The following TRAPPC11 variants were observed in gnomAD, a reference collection of about 807,000 sequenced individuals.
TRAPPC11 encodes the protein trafficking protein particle complex subunit 11, also known as foie gras homolog.
A neutral mutation model predicts 151.2 loss-of-function variants in TRAPPC11; 104 were observed. The ratio of observed to expected loss-of-function variants is 0.69; its 90% CI spans 0.59 to 0.81. TRAPPC11 has a LOEUF of 0.81. TRAPPC11 is among the 30% of genes least tolerant of loss of function. The pLI is 0.00. For synonymous variants in TRAPPC11, 456 were observed against 472.3 expected, an observed-to-expected ratio of 0.97 and a Z score of 0.45; for missense variants, 1,230 against 1,349.6, an observed-to-expected ratio of 0.91 and a Z score of 1.39.
Position 183,664,002 on chromosome 4 carries a change from A to G in TRAPPC11, c.135A>G (p.Arg45=), listed in dbSNP as rs755033689. Residue 45 remains arginine, a synonymous_variant, in exon 2 of 30, where the codon AGA becomes AGG. Transcript: ENST00000334690. The part of the protein sequence containing the change: ...AVWDAFCANR[R]ADRVPISFKV... ...GGGACGCCTTCTGTGCAAATCGGAG[A>G]GCTGATCGAGTACCAATTTCTTTCA... The G allele has an allele frequency of 1.4e-5, 22 of 1,613,800 alleles. No homozygotes were observed. The highest frequency in any genetic ancestry group is 1.6e-5 in the Non-Finnish European group (19 of 1,180,000).
chr4:183,706,470 C>T (rs1737075278), intron 27 of TRAPPC11, among the ~76,000 whole-genome samples: 1 of 151,684 alleles, frequency 6.6e-6, no homozygotes, highest in African/African-American at 2.4e-5. Context: ...TTGCAGTGAG[C>T]CGAGATAGCA....
chr4:183,688,343 A>G (rs1397067591), intron 18 of TRAPPC11, among the ~76,000 whole-genome samples: 2 of 152,208 alleles, frequency 1.3e-5, no homozygotes, highest in African/African-American at 2.4e-5. Flanking sequence ...ATGTTTGGCA[A>G]TGAGAAAACA....
At chr4:183,684,482 T>G in intron 14 of TRAPPC11, 123 bp downstream of exon 14, 1 of 1,078,074 alleles carries the variant, frequency 9.3e-7, no homozygotes, top group Non-Finnish European at 1.3e-6. Context: ...TAAACTCCAT[T>G]TCTGTAATGT....
intron 5 of TRAPPC11, among the ~76,000 whole-genome samples, chr4:183,670,164 C>T (rs1008500261): frequency 6.6e-6 from 1 of 152,216 alleles, no homozygotes; most frequent in Non-Finnish European, 1.5e-5. Context: ...GGCACACTTA[C>T]TCCTGTGCTT....
chr4:183,685,072 T>C lies in TRAPPC11; in HGVS notation c.1568-12T>C. On this transcript the variant is annotated splice_polypyrimidine_tract_variant and intron_variant, in intron 15 of 29. Transcript: ENST00000334690. ...AGTACTTAAAATGTTTTTCCTTCTT[T>C]CTTCATACTAGCTTCAACTCTGAAA... 6.2e-7 allele frequency: 1 copy of C among 1,610,296 alleles called. No homozygotes were observed. Among genetic ancestry groups the C allele is most frequent in the South Asian group, 1.1e-5 (1 of 90,432 alleles).
intron 1 of TRAPPC11, among the ~76,000 whole-genome samples, chr4:183,661,651 G>A (rs1213218352): frequency 6.6e-6 from 1 of 151,830 alleles, no homozygotes; most frequent in East Asian, 1.9e-4. Context: ...GATTACAGGC[G>A]TGAGCCACCG....
In TRAPPC11 at chr4:183,668,157, T is replaced by C. The variant is rs753239482; in HGVS notation, c.560+40T>C. On this transcript the variant is annotated intron_variant, in intron 5 of 29. Transcript: ENST00000334690. ...TTTAAAGTTTTGTTTTTTTAGATTA[T>C]TAAGAATTGAGAAATTGGTAGCTTA... 4.0e-6 allele frequency: 5 copies of C among 1,240,970 alleles called. No homozygotes were observed. The South Asian group carries it at 6.6e-5, about 16-fold the overall frequency. The allele number at this position is 1,240,970 out of a possible 1,614,324, so 76.9% of individuals were successfully genotyped here.
At position 183,684,710 on chromosome 4, in the gene TRAPPC11, T is replaced by G. The variant is rs1735875683; in HGVS notation, c.1436T>G (p.Val479Gly). 4 of 1,614,002 alleles carry G rather than the reference T, an allele frequency of 2.5e-6. No homozygotes were observed. Among genetic ancestry groups the G allele is most frequent in the Non-Finnish European group, 3.4e-6 (4 of 1,179,934 alleles). Residue 479 changes from valine to glycine, a missense_variant, in exon 15 of 30, where the codon GTG becomes GGG. Val to Gly is a moderately radical substitution (Grantham distance 109, BLOSUM62 -3). Coordinates refer to ENST00000334690, the MANE Select transcript of TRAPPC11 (RefSeq NM_021942.6). ...TCTTCTTTGAGGTTGCTGGATTATG[T>G]GATGTGTGATTATCGGAGTGAAGGA... is the stretch of plus-strand genomic sequence containing the variant. ...YTKALKLLDY[V>G]MCDYRSEGWW...
rs1737422883 is a variant in TRAPPC11 at position 183,713,521 on chromosome 4, TTTA to T, written c.*883_*885del. 1 of 152,662 alleles carries T rather than the reference TTTA, an allele frequency of 6.6e-6. No homozygotes were observed. The highest frequency in any genetic ancestry group is 1.5e-5 in the Non-Finnish European group (1 of 68,038). 9.5% of individuals were successfully genotyped at this position (152,662 alleles called of 1,614,324 possible). A position where few individuals can be genotyped will look rare whatever the true frequency, so the allele number is the denominator to read the frequency against. ...AAAATGACCTGATTTCCTGGAAAAT[TTTA>T]TTATTCAAAAGGTGGAGGCATTGTA... On this transcript the variant is annotated 3_prime_UTR_variant, in exon 30 of 30. Coordinates refer to ENST00000334690, the MANE Select transcript of TRAPPC11 (RefSeq NM_021942.6).
chr4:183,660,717 TTTG>T (rs1181649568), intron 1 of TRAPPC11, among the ~76,000 whole-genome samples: 5 of 152,168 alleles, frequency 3.3e-5, no homozygotes, highest in Admixed American at 2.0e-4. Flanking sequence ...TCACTTGTTT[TTTG>T]TTGTTGTTGT....
At chr4:183,691,631 C>G (rs891729417) in intron 19 of TRAPPC11, among the ~76,000 whole-genome samples, 160 bp downstream of exon 19, 2 of 152,042 alleles carry the variant, frequency 1.3e-5, no homozygotes, top group Non-Finnish European at 2.9e-5. Context: ...TTCCTTCAGA[C>G]ATTTTTCTGT....
Position 183,684,739 on chromosome 4 carries a change from T to G in TRAPPC11, c.1465T>G (p.Trp489Gly). Reference sequence around the variant, plus strand: ...GTGTGATTATCGGAGTGAAGGATGGTGGACTCTGCTCACTTCTGTATTAAC... The same window carrying G: ...GTGTGATTATCGGAGTGAAGGATGGGGGACTCTGCTCACTTCTGTATTAAC... ...VMCDYRSEGW[W>G]TLLTSVLTTA... Residue 489 changes from tryptophan to glycine, a missense_variant, in exon 15 of 30, where the codon TGG becomes GGG. Coordinates refer to ENST00000334690, the MANE Select transcript of TRAPPC11 (RefSeq NM_021942.6). 1.2e-6 allele frequency: 2 copies of G among 1,614,060 alleles called. No homozygotes were observed. The highest frequency in any genetic ancestry group is 1.7e-6 in the Non-Finnish European group (2 of 1,179,940).
intron 14 of TRAPPC11, 80 bp from the exon 15 acceptor site, chr4:183,684,616 G>C (rs1322333180): frequency 6.9e-7 from 1 of 1,439,836 alleles, no homozygotes; most frequent in East Asian, 2.3e-5. Context: ...CATAAAATGA[G>C]GAAAGTATTT....
At chr4:183,694,554 G>C in intron 22 of TRAPPC11, 50 bp from the exon 23 acceptor site, 1 of 1,547,634 alleles carries the variant, frequency 6.5e-7, no homozygotes, top group Non-Finnish European at 8.8e-7. Context: ...TATATATCAA[G>C]AAGAAATGTC....
intron 17 of TRAPPC11, 141 bp downstream of exon 17, chr4:183,685,544 G>A (rs1447065751): frequency 1.1e-6 from 1 of 916,868 alleles, no homozygotes; most frequent in South Asian, 2.1e-5. Context: ...ATTTTTTTTT[G>A]TGTCCCCTCA....
intron 5 of TRAPPC11, among the ~76,000 whole-genome samples, chr4:183,674,279 A>C (rs1016743597): frequency 6.6e-6 from 1 of 152,072 alleles, no homozygotes; most frequent in African/African-American, 2.4e-5. Flanking sequence ...TTAGCTAGGC[A>C]TGGTGGCACA....
chr4:183,670,363 C>T (rs1045949819), intron 5 of TRAPPC11, among the ~76,000 whole-genome samples: 1 of 152,134 alleles, frequency 6.6e-6, no homozygotes, highest in Admixed American at 6.5e-5. Context: ...GTTAATGATT[C>T]GAGTAAGCTT....
chr4:183,691,168 C>T lies in TRAPPC11; in HGVS notation c.1894-148C>T, dbSNP rs1736238240. On this transcript the variant is annotated intron_variant, in intron 18 of 29. Transcript: ENST00000334690. ...GGCAGCAGTAAGTGGATAAATGCCTCTATTTGGCATAAAAAATACTTCCTT... is the reference window on the plus strand; with the variant it reads ...GGCAGCAGTAAGTGGATAAATGCCTTTATTTGGCATAAAAAATACTTCCTT... 1.2e-5 allele frequency: 6 copies of T among 511,404 alleles called. No homozygotes were observed. The East Asian group carries it at 2.1e-4, about 18-fold the overall frequency. The allele number at this position is 511,404 out of a possible 1,614,324, so 31.7% of individuals were successfully genotyped here.
chr4:183,665,715 G>T (rs563301109), intron 2 of TRAPPC11, among the ~76,000 whole-genome samples: 3 of 152,310 alleles, frequency 2.0e-5, no homozygotes, highest in African/African-American at 7.2e-5. Context: ...GGCACTCAGT[G>T]CCCAGACTCA....
Sources: gnomAD v4.1 joint callset for allele counts (sites outside exome capture counted in the v4.1 genomes callset) on GRCh38, gnomAD v4.1.1 for gene constraint, MANE v1.5 for transcripts, NCBI Gene and HGNC (gene_info 2026-07-23, HGNC 2026-07-21) for gene names.